PRKCI: variants seen among roughly 807,000 people sequenced by gnomAD.
The protein encoded by PRKCI is protein kinase C iota.
A neutral mutation model predicts 84.0 loss-of-function variants in PRKCI; 43 were observed. The ratio of observed to expected loss-of-function variants is 0.51; its 90% CI spans 0.40 to 0.66. The LOEUF is 0.66. PRKCI is among the 30% of genes least tolerant of loss of function. The pLI is 0.00. For missense variants in PRKCI, 459 were observed against 745.6 expected (o/e 0.62, Z 4.48); for synonymous variants, 216 against 234.4 (o/e 0.92, Z 0.72).
At chr3:170,256,143 C>G (rs1358983342) in intron 2 of PRKCI, among the ~76,000 whole-genome samples, 1 of 152,062 alleles carries the variant, frequency 6.6e-6, no homozygotes, top group African/African-American at 2.4e-5. Flanking sequence ...GTAGTTTTCT[C>G]TCTTTTTGAC....
intron 2 of PRKCI, among the ~76,000 whole-genome samples, chr3:170,238,820 G>A (rs920733257): frequency 2.6e-5 from 4 of 152,014 alleles, no homozygotes; most frequent in Non-Finnish European, 5.9e-5. Context: ...TTGAACTCTG[G>A]CCTCAAGTGA....
chr3:170,270,647 G>A (rs1733980493), intron 6 of PRKCI, 86 bp downstream of exon 6: 1 of 1,415,976 alleles, frequency 7.1e-7, no homozygotes, highest in Non-Finnish European at 9.4e-7. Flanking sequence ...ATAGGGAGGT[G>A]TTCAGGAATT....
In PRKCI at chr3:170,305,233, G is replaced by A. The variant is rs934873844; in HGVS notation, c.*2106G>A. On this transcript the variant is annotated 3_prime_UTR_variant, in exon 18 of 18. Coordinates refer to ENST00000295797, the MANE Select transcript of PRKCI (RefSeq NM_002740.6). ...TGTGAAATAATCACCTAGGAAGTTG[G>A]TTTAAAATGCACACTAGTGAGCCCA... The A allele has an allele frequency of 5.9e-5, 9 of 152,616 alleles. No homozygotes were observed. The highest frequency in any genetic ancestry group is 1.3e-4 in the Non-Finnish European group (9 of 68,020). 9.5% of individuals were successfully genotyped at this position (152,616 alleles called of 1,614,324 possible).
intron 4 of PRKCI, among the ~76,000 whole-genome samples, chr3:170,266,665 T>A (rs951559579): frequency 2.0e-5 from 3 of 152,190 alleles, no homozygotes; most frequent in African/African-American, 7.2e-5. Flanking sequence ...CCCTGAATCT[T>A]GATTGCATCC....
chr3:170,247,730 CAAAAAAAAAA>C (rs72411481), intron 2 of PRKCI, among the ~76,000 whole-genome samples: 1 of 27,906 alleles, frequency 3.6e-5, no homozygotes, highest in African/African-American at 1.4e-4. Context: ...AACTCTGTCT[CAAAAAAAAAA>C]AAAAAAAAAA....
At chr3:170,280,590 A>G (rs1734219716) in intron 9 of PRKCI, among the ~76,000 whole-genome samples, 187 bp downstream of exon 9, 1 of 152,092 alleles carries the variant, frequency 6.6e-6, no homozygotes. Flanking sequence ...CTGGGATTAC[A>G]GGCATGCACC....
At chr3:170,252,959 G>A (rs1733492236) in intron 2 of PRKCI, among the ~76,000 whole-genome samples, 1 of 152,166 alleles carries the variant, frequency 6.6e-6, no homozygotes, top group African/African-American at 2.4e-5. Flanking sequence ...CCACAAATGA[G>A]TGAGAACATA....
At chr3:170,276,808 G>C (rs1734126045) in intron 8 of PRKCI, among the ~76,000 whole-genome samples, 1 of 152,080 alleles carries the variant, frequency 6.6e-6, no homozygotes, top group Non-Finnish European at 1.5e-5. Flanking sequence ...AAACTACAGA[G>C]CTTCCACGCA....
intron 1 of PRKCI, among the ~76,000 whole-genome samples, chr3:170,224,928 A>G (rs189062012): frequency 1.3e-5 from 2 of 152,342 alleles, no homozygotes; most frequent in South Asian, 2.1e-4. Flanking sequence ...TTAGTTTGAC[A>G]CATGTAAATA....
chr3:170,280,425 G>C (rs1338943098), intron 9 of PRKCI, 22 bp downstream of exon 9: 1 of 1,564,396 alleles, frequency 6.4e-7, no homozygotes, highest in South Asian at 1.2e-5. Context: ...ATATTTTATT[G>C]CTTCTAAACT....
intron 2 of PRKCI, among the ~76,000 whole-genome samples, chr3:170,253,678 C>G (rs1042186549): frequency 2.0e-5 from 3 of 152,072 alleles, no homozygotes; most frequent in Non-Finnish European, 4.4e-5. Flanking sequence ...ATAGTCCCAG[C>G]TACTCAGGAG....
chr3:170,242,158 G>C (rs1451346183), intron 2 of PRKCI, among the ~76,000 whole-genome samples: 1 of 152,118 alleles, frequency 6.6e-6, no homozygotes, highest in Non-Finnish European at 1.5e-5. Flanking sequence ...TGTTGCCCAG[G>C]CTGGTCTTGA....
At chr3:170,236,971 CAT>C (rs10560894) in intron 2 of PRKCI, among the ~76,000 whole-genome samples, 46,899 of 151,692 alleles carry the variant, frequency 0.31, 8,279 homozygotes, top group Middle Eastern at 0.48. Context: ...GAGATGGACA[CAT>C]GTGTAACAAA....
chr3:170,247,905 G>T (rs140283210), intron 2 of PRKCI, among the ~76,000 whole-genome samples: 1 of 152,042 alleles, frequency 6.6e-6, no homozygotes, highest in African/African-American at 2.4e-5. Flanking sequence ...AAAAATTATG[G>T]CATCCTTGGA....
At chr3:170,253,345 G>A (rs1733500962) in intron 2 of PRKCI, among the ~76,000 whole-genome samples, 1 of 152,126 alleles carries the variant, frequency 6.6e-6, no homozygotes, top group South Asian at 2.1e-4. Context: ...ATCCTTTCCA[G>A]CATTTGTTAT....
rs924465650 is a variant in PRKCI at position 170,266,926 on chromosome 3, G to A, written c.365-989G>A. On this transcript the variant is annotated intron_variant, in intron 4 of 17. Transcript: ENST00000295797. ...GAGAATTGCTTAAACCCAGGAGGCG[G>A]AGGTTGCAGTGGGCTGAGATTGCAC... 9.9e-5 allele frequency among the ~76,000 whole-genome samples: 15 copies of A among 152,228 alleles called. No individual in the cohort carries two copies. The South Asian group carries it at 2.9e-3, about 29-fold the overall frequency.
chr3:170,247,493 G>A (rs537951362), intron 2 of PRKCI, among the ~76,000 whole-genome samples: 19 of 151,834 alleles, frequency 1.3e-4, no homozygotes, highest in African/African-American at 4.6e-4. Context: ...CACTTTGGGA[G>A]GCAGAGGCGG....
rs1380906563 is a variant in PRKCI, at chr3:170,284,563, C to T, written c.1170C>T (p.Gly390=). The T allele has an allele frequency of 6.8e-6, 11 of 1,612,520 alleles. No individual in the cohort carries two copies. Among genetic ancestry groups the T allele is most frequent in the Non-Finnish European group, 9.3e-6 (11 of 1,179,570 alleles). The change falls in exon 12 of 18, where the codon GGC becomes GGT. Residue 390 remains glycine (G), a synonymous_variant. Transcript: ENST00000295797. ...ACAATGTATTACTGGACTCTGAAGG[C>T]CACATTAAACTCACTGACTACGGCA... ...KLDNVLLDSE[G]HIKLTDYGMC...
At chr3:170,258,265 G>A (rs1246550929) in intron 2 of PRKCI, among the ~76,000 whole-genome samples, 1 of 151,522 alleles carries the variant, frequency 6.6e-6, no homozygotes, top group East Asian at 1.9e-4. Context: ...ATGGCAGAGT[G>A]AAGGACTCAC....
Sources: allele counts gnomAD v4.1 joint callset (sites outside exome capture counted in the v4.1 genomes callset), GRCh38; gene constraint gnomAD v4.1.1; transcripts MANE v1.5; gene names NCBI Gene and HGNC (gene_info 2026-07-23, HGNC 2026-07-21).